Variants in GRM8 observed in about 807,000 individuals in gnomAD.
The protein encoded by GRM8 is glutamate metabotropic receptor 8.
Under a neutral mutation model 87.2 loss-of-function variants are expected in GRM8, and 47 were observed. The observed-to-expected ratio is 0.54, with a 90% CI of 0.43 to 0.69. The LOEUF (loss-of-function observed/expected upper bound fraction) is 0.69, where lower values mean the gene tolerates loss of function less well. Ranked by LOEUF, GRM8 falls within the 30% of genes least tolerant of loss-of-function variation. The probability of loss-of-function intolerance (pLI) is 0.00; values close to 1 mark genes in which losing one functional copy is unlikely to be tolerated. For synonymous variants in GRM8, 396 were observed against 404.5 expected, an observed-to-expected ratio of 0.98 and a Z score of 0.25; for missense variants, 1,019 against 1,139.2, an observed-to-expected ratio of 0.89 and a Z score of 1.52.
rs755505804 is a variant in GRM8 at position 127,242,841 on chromosome 7, C to T, written c.364G>A (p.Ala122Thr). ...TCCGAAGCATCTTTCTCTATTAATG[C>T]CTGCACGAATGTTAGAGACTGCTCC... ...ALEQSLTFVQALIEKDASDVK... is the reference protein window; with the variant it reads ...ALEQSLTFVQTLIEKDASDVK... Residue 122 changes from alanine to threonine, a missense_variant, in exon 2 of 11, where the codon GCA (alanine) becomes ACA (threonine). Coordinates refer to ENST00000339582, the MANE Select transcript of GRM8 (RefSeq NM_000845.3). 6.2e-7 allele frequency: 1 copy of T among 1,614,116 alleles called. No homozygotes were observed. The highest frequency in any genetic ancestry group is 1.1e-5 in the South Asian group (1 of 91,080).
intron 10 of GRM8, among the ~76,000 whole-genome samples, chr7:126,439,712 ATT>A (rs1451649795): frequency 1.3e-5 from 2 of 152,024 alleles, no homozygotes; most frequent in African/African-American, 4.8e-5. Flanking sequence ...AGGCATTGCT[ATT>A]ACAAGAGATG....
At chr7:127,028,261 T>C (rs1259025344) in intron 3 of GRM8, among the ~76,000 whole-genome samples, 1 of 152,190 alleles carries the variant, frequency 6.6e-6, no homozygotes, top group Non-Finnish European at 1.5e-5. Context: ...ATTTTCGCAT[T>C]GATGTTCATC....
intron 2 of GRM8, among the ~76,000 whole-genome samples, chr7:127,125,027 GA>G (rs1031858337): frequency 6.6e-6 from 1 of 152,068 alleles, no homozygotes; most frequent in African/African-American, 2.4e-5. Flanking sequence ...GACATCTGTT[GA>G]AAAAATACAT....
chr7:127,031,907 C>G (rs1817411418), intron 3 of GRM8, among the ~76,000 whole-genome samples: 1 of 152,136 alleles, frequency 6.6e-6, no homozygotes, highest in African/African-American at 2.4e-5. Context: ...ACATCTGTGT[C>G]TGGGGCAGTG....
At chr7:126,690,695 G>A (rs778127622) in intron 7 of GRM8, among the ~76,000 whole-genome samples, 1 of 152,200 alleles carries the variant, frequency 6.6e-6, no homozygotes. Context: ...CATCCAGGAA[G>A]AATGAGGTAC....
At chr7:126,716,270 T>C (rs1811729112) in intron 7 of GRM8, among the ~76,000 whole-genome samples, 1 of 152,100 alleles carries the variant, frequency 6.6e-6, no homozygotes, top group African/African-American at 2.4e-5. Flanking sequence ...GACTCCTGAA[T>C]TGTAGTCTAA....
intron 6 of GRM8, among the ~76,000 whole-genome samples, chr7:126,786,062 T>C (rs368721158): frequency 6.6e-6 from 1 of 152,168 alleles, no homozygotes; most frequent in East Asian, 1.9e-4. Flanking sequence ...TCTCTCCTCT[T>C]ATAACTCTGT....
intron 3 of GRM8, among the ~76,000 whole-genome samples, chr7:127,094,736 A>C (rs1221630882): frequency 2.0e-5 from 3 of 152,194 alleles, no homozygotes; most frequent in Non-Finnish European, 4.4e-5. Context: ...CTAGCAAACT[A>C]ATACAGTTGG....
intron 8 of GRM8, among the ~76,000 whole-genome samples, chr7:126,603,793 T>C (rs1046022141): frequency 6.6e-6 from 1 of 152,090 alleles, no homozygotes; most frequent in African/African-American, 2.4e-5. Context: ...CATTTTCACA[T>C]GTAAGCAACT....
Position 127,252,789 on chromosome 7 carries a change from A to C in GRM8, c.-312+8T>G, listed in dbSNP as rs1387841533. On this transcript the variant is annotated splice_region_variant and intron_variant, in intron 1 of 10. Transcript: ENST00000339582. The surrounding 1 kb of genome is among the most constrained non-coding windows in gnomAD (Gnocchi z 4.9). ...AGCCGCTTTCTGCTGCCGGGCGGCG[A>C]GTCTTACCCTGCTCCCCGCAGAGGG... is the stretch of plus-strand genomic sequence containing the variant. The C allele has an allele frequency of 6.3e-6, 1 of 159,172 alleles. No homozygotes were observed. The highest frequency in any genetic ancestry group is 1.4e-5 in the Non-Finnish European group (1 of 72,166). 9.9% of individuals were successfully genotyped at this position (159,172 alleles called of 1,614,324 possible). A position where few individuals can be genotyped will look rare whatever the true frequency, so the allele number is the denominator to read the frequency against.
chr7:126,533,853 G>A lies in GRM8; in HGVS notation c.1529C>T (p.Thr510Ile), dbSNP rs761151905. The change falls in exon 9 of 11, where the codon ACT becomes ATT. Residue 510 changes from threonine (T) to isoleucine (I), a missense_variant. Coordinates refer to ENST00000339582, the MANE Select transcript of GRM8 (RefSeq NM_000845.3). ...EDMQWAHREHTHPASVCSLPC... is the reference protein window; with the variant it reads ...EDMQWAHREHIHPASVCSLPC... ...CAGGCTGCAGACAGACGCCGGGTGA[G>A]TATGTTCTCTATGAGCCCACTGCAT... 7.4e-6 allele frequency: 12 copies of A among 1,613,920 alleles called. No homozygotes were observed. The highest frequency in any genetic ancestry group is 3.3e-5 in the Admixed American group (2 of 60,006).
chr7:127,008,560 A>T (rs1230828558), intron 3 of GRM8, among the ~76,000 whole-genome samples: 5 of 152,138 alleles, frequency 3.3e-5, no homozygotes, highest in Admixed American at 2.0e-4. Context: ...TTTATGTTGA[A>T]ATTTAATCTC....
At chr7:126,471,405 G>A (rs1434473911) in intron 9 of GRM8, among the ~76,000 whole-genome samples, 9 of 152,040 alleles carry the variant, frequency 5.9e-5, no homozygotes, top group Non-Finnish European at 1.0e-4. Context: ...AGCTTTCTAT[G>A]TATGGCTAGC....
chr7:127,053,799 G>A (rs1214927169), intron 3 of GRM8, among the ~76,000 whole-genome samples: 6 of 18,938 alleles, frequency 3.2e-4, no homozygotes, highest in East Asian at 4.8e-4. Context: ...AAAAAAAAAA[G>A]GGGGGGGGGA....
chr7:126,982,712 A>T (rs1330364812), intron 3 of GRM8, among the ~76,000 whole-genome samples: 1 of 152,254 alleles, frequency 6.6e-6, no homozygotes, highest in South Asian at 2.1e-4. Context: ...TATGACAATT[A>T]CAGTCCTCAT....
intron 3 of GRM8, among the ~76,000 whole-genome samples, chr7:126,946,870 G>C (rs911093621): frequency 6.6e-6 from 1 of 152,188 alleles, no homozygotes; most frequent in African/African-American, 2.4e-5. Flanking sequence ...CCATCCATTT[G>C]AGAAAAGGTG....
At chr7:126,523,887 G>T (rs1813413596) in intron 9 of GRM8, among the ~76,000 whole-genome samples, 1 of 151,972 alleles carries the variant, frequency 6.6e-6, no homozygotes, top group Non-Finnish European at 1.5e-5. Flanking sequence ...GATAATATTT[G>T]TTTGTATAAT....
chr7:126,742,314 C>T (rs1234170715), intron 7 of GRM8, among the ~76,000 whole-genome samples: 1 of 152,004 alleles, frequency 6.6e-6, no homozygotes, highest in Non-Finnish European at 1.5e-5. Flanking sequence ...GAAAGACATA[C>T]TGGCTATGCT....
chr7:126,635,232 T>A (rs1458354203), intron 7 of GRM8, among the ~76,000 whole-genome samples: 1 of 83,556 alleles, frequency 1.2e-5, no homozygotes, highest in Non-Finnish European at 2.9e-5. Flanking sequence ...ATTGATTTGA[T>A]CAAGAGTATA....
Sources: gnomAD v4.1 joint callset for allele counts (sites outside exome capture counted in the v4.1 genomes callset) on GRCh38, gnomAD v4.1.1 for gene constraint, Gnocchi (gnomAD v3.1) non-coding constraint, MANE v1.5 for transcripts, NCBI Gene and HGNC (gene_info 2026-07-23, HGNC 2026-07-21) for gene names.